Variants in VPS13D observed in about 807,000 individuals in gnomAD.
VPS13D encodes the protein intermembrane lipid transfer protein VPS13D.
Under a neutral mutation model 461.9 loss-of-function variants are expected in VPS13D, and 187 were observed. The ratio of observed to expected loss-of-function variants is 0.40; its 90% CI spans 0.36 to 0.46. The LOEUF (loss-of-function observed/expected upper bound fraction) is 0.46, where lower values mean the gene tolerates loss of function less well. VPS13D is among the 20% of genes least tolerant of loss of function. The pLI, the probability that VPS13D is intolerant of heterozygous loss-of-function variation, is 0.60. For synonymous variants in VPS13D, 1,951 were observed against 1,986.3 expected, an observed-to-expected ratio of 0.98 and a Z score of 0.47; for missense variants, 4,711 against 5,364.9, an observed-to-expected ratio of 0.88 and a Z score of 3.81.
At chr1:12,396,376 G>GT (rs1455877311) in intron 60 of VPS13D, among the ~76,000 whole-genome samples, 1 of 152,118 alleles carries the variant, frequency 6.6e-6, no homozygotes, top group African/African-American at 2.4e-5. Context: ...ATTGTCGCAA[G>GT]TTTTTTATTA....
intron 7 of VPS13D, among the ~76,000 whole-genome samples, chr1:12,254,332 C>A (rs1272945172): frequency 6.6e-6 from 1 of 152,028 alleles, no homozygotes; most frequent in Non-Finnish European, 1.5e-5. Flanking sequence ...TGAGCCCCCA[C>A]ACCCGGCCTA....
intron 51 of VPS13D, 39 bp from the exon 52 acceptor site, chr1:12,363,033 C>T (rs757943260): frequency 1.5e-5 from 24 of 1,607,084 alleles, no homozygotes; most frequent in East Asian, 4.5e-5. Flanking sequence ...TGTCATGAAT[C>T]GACTTGTTGA....
Position 12,378,495 on chromosome 1 carries a change from C to T in VPS13D, c.10985C>T (p.Ser3662Leu). The T allele has an allele frequency of 6.2e-7, 1 of 1,612,848 alleles. No individual in the cohort carries two copies. Among genetic ancestry groups the T allele is most frequent in the East Asian group, 2.2e-5 (1 of 44,732 alleles). The change falls in exon 56 of 70, where the codon TCA (serine) becomes TTA (leucine). Residue 3662 changes from serine (S) to leucine (L), a missense_variant. Ser to Leu is a moderately radical substitution (Grantham distance 145). Coordinates refer to ENST00000620676, the MANE Select transcript of VPS13D (RefSeq NM_015378.4). ...GGAATGCTGGCCCATGAGGGCTCCTCAGTTCCTCACAATCCCAATAAGCCC... is the reference window on the plus strand; with the variant it reads ...GGAATGCTGGCCCATGAGGGCTCCTTAGTTCCTCACAATCCCAATAAGCCC... ...GTGMLAHEGS[S>L]VPHNPNKPSA...
At chr1:12,494,013 C>G (rs1329696152) in intron 67 of VPS13D, among the ~76,000 whole-genome samples, 1 of 152,016 alleles carries the variant, frequency 6.6e-6, no homozygotes, top group Non-Finnish European at 1.5e-5. Context: ...TCTGGAAGTC[C>G]TTGTATTCAT....
chr1:12,468,502 G>A (rs1570237006), intron 67 of VPS13D, among the ~76,000 whole-genome samples: 1 of 152,274 alleles, frequency 6.6e-6, no homozygotes, highest in Admixed American at 6.5e-5. Flanking sequence ...AGGACATTTG[G>A]ACTAGCAGGG....
intron 65 of VPS13D, among the ~76,000 whole-genome samples, chr1:12,427,271 T>C (rs1350100786): frequency 6.7e-6 from 1 of 148,488 alleles, no homozygotes; most frequent in Non-Finnish European, 1.5e-5. Flanking sequence ...TTATTATTAT[T>C]ATTATTATTA....
At chr1:12,269,649 G>A (rs1000967382) in intron 16 of VPS13D, among the ~76,000 whole-genome samples, 39 of 152,092 alleles carry the variant, frequency 2.6e-4, no homozygotes, top group African/African-American at 7.7e-4. Context: ...TTATGCCTCC[G>A]TTTGTTCTCC....
intron 67 of VPS13D, chr1:12,478,583 T>A (rs1645667534): frequency 1.2e-5 from 4 of 347,406 alleles, no homozygotes; most frequent in South Asian, 8.9e-5. Flanking sequence ...CAGCTGCCAT[T>A]CAGAACTTGC....
intron 35 of VPS13D, 110 bp from the exon 36 acceptor site, chr1:12,327,538 C>A: frequency 1.3e-6 from 1 of 793,958 alleles, no homozygotes; most frequent in Non-Finnish European, 1.8e-6. Context: ...TCAAGGCTCT[C>A]TTGGCTTCCC....
chr1:12,450,968 T>G (rs1645255678), intron 65 of VPS13D, among the ~76,000 whole-genome samples: 1 of 152,184 alleles, frequency 6.6e-6, no homozygotes. Context: ...AGAGGAAATT[T>G]CCATTAGGTA....
At chr1:12,262,901 G>A (rs1254714180) in intron 13 of VPS13D, among the ~76,000 whole-genome samples, 3 of 151,790 alleles carry the variant, frequency 2.0e-5, no homozygotes, top group Non-Finnish European at 4.4e-5. Flanking sequence ...ACAAGGTATC[G>A]CTACGTTGGC....
chr1:12,408,040 CT>C (rs1157976358), intron 63 of VPS13D, among the ~76,000 whole-genome samples: 1 of 152,170 alleles, frequency 6.6e-6, no homozygotes, highest in East Asian at 1.9e-4. Context: ...AGCAGTTGAG[CT>C]TACTGAACGT....
At chr1:12,467,337 A>G (rs535667981) in intron 67 of VPS13D, among the ~76,000 whole-genome samples, 1 of 152,212 alleles carries the variant, frequency 6.6e-6, no homozygotes, top group South Asian at 2.1e-4. Flanking sequence ...TCGCCCAGCT[A>G]ATTCTTATAT....
chr1:12,255,180 A>G, intron 7 of VPS13D, among the ~76,000 whole-genome samples: 1 of 152,208 alleles, frequency 6.6e-6, no homozygotes, highest in East Asian at 1.9e-4. Context: ...TCCTGACCTC[A>G]GGTGATACAC....
At chr1:12,297,122 G>T (rs549210576) in intron 24 of VPS13D, among the ~76,000 whole-genome samples, 35 of 152,160 alleles carry the variant, frequency 2.3e-4, no homozygotes, top group Non-Finnish European at 4.3e-4. Flanking sequence ...ATAAGATTAA[G>T]AGGCTATTTT....
intron 26 of VPS13D, among the ~76,000 whole-genome samples, chr1:12,307,307 GA>G (rs758455288): frequency 6.6e-6 from 1 of 152,102 alleles, no homozygotes; most frequent in South Asian, 2.1e-4. Flanking sequence ...ATTTAGATGA[GA>G]GGGGCGGGCC....
At chr1:12,297,920 T>C (rs541488475) in intron 24 of VPS13D, among the ~76,000 whole-genome samples, 1 of 152,304 alleles carries the variant, frequency 6.6e-6, no homozygotes, top group African/African-American at 2.4e-5. Context: ...CTCTTAGCCC[T>C]GGTTGTCTGG....
intron 34 of VPS13D, among the ~76,000 whole-genome samples, 197 bp downstream of exon 34, chr1:12,322,943 C>T (rs573713421): frequency 6.6e-6 from 1 of 152,236 alleles, no homozygotes; most frequent in East Asian, 1.9e-4. Context: ...AACTACTCCA[C>T]TATTTTTCCT....
chr1:12,508,956 C>T lies in VPS13D; in HGVS notation c.13099C>T (p.Leu4367Phe), dbSNP rs569992795. ...LSQEINYAKS[L>F]YYEQQLMLRL... is the part of the protein sequence containing the mutation. ...ACAAGAAATAAACTACGCAAAGAGC[C>T]TCTACTATGAACAGCAGCTTATGTT... Residue 4367 changes from leucine to phenylalanine, a missense_variant, in exon 70 of 70, where the codon CTC becomes TTC. By Grantham distance (22) the Leu-to-Phe change is conservative. Transcript: ENST00000620676. 76 of 1,614,198 alleles carry T rather than the reference C, an allele frequency of 4.7e-5. 2 individuals carry two copies. In the South Asian group the frequency reaches 7.9e-4, roughly 17 times the overall value.
Sources: gnomAD v4.1 joint callset for allele counts (sites outside exome capture counted in the v4.1 genomes callset) on GRCh38, gnomAD v4.1.1 for gene constraint, MANE v1.5 for transcripts, NCBI Gene and HGNC (gene_info 2026-07-23, HGNC 2026-07-21) for gene names.